PIGL: variants seen among roughly 807,000 people sequenced by gnomAD.
The protein encoded by PIGL is N-acetylglucosaminyl-phosphatidylinositol de-N-acetylase.
Under a neutral mutation model 31.1 loss-of-function variants are expected in PIGL, and 22 were observed. The ratio of observed to expected loss-of-function variants is 0.71; its 90% CI spans 0.51 to 1.01. The LOEUF is 1.01. Among genes scored for constraint, PIGL ranks in the 50% least tolerant of loss-of-function variants. PIGL has a pLI of 0.00. For synonymous variants in PIGL, 131 were observed against 117.4 expected, an observed-to-expected ratio of 1.12 and a Z score of -0.75; for missense variants, 302 against 315.9, an observed-to-expected ratio of 0.96 and a Z score of 0.33.
At chr17:16,315,455 C>T (rs566748864) in intron 4 of PIGL, among the ~76,000 whole-genome samples, 1 of 152,220 alleles carries the variant, frequency 6.6e-6, no homozygotes, top group Admixed American at 6.5e-5. Context: ...ATTCTCTTCC[C>T]GGCTTCCCTC....
At chr17:16,310,238 G>A (rs988154099) in intron 3 of PIGL, among the ~76,000 whole-genome samples, 2 of 151,648 alleles carry the variant, frequency 1.3e-5, no homozygotes, top group Non-Finnish European at 2.9e-5. Context: ...GCTCATGGTG[G>A]TAACTTTAAA....
At chr17:16,305,647 T>C (rs962587235) in intron 3 of PIGL, among the ~76,000 whole-genome samples, 1 of 152,194 alleles carries the variant, frequency 6.6e-6, no homozygotes, top group African/African-American at 2.4e-5. Flanking sequence ...GAATTTCATG[T>C]GACCCCAAAT....
At position 16,316,926 on chromosome 17, in the gene PIGL, G is replaced by A. The variant is rs558461715; in HGVS notation, c.526+214G>A. On this transcript the variant is annotated intron_variant, in intron 5 of 6. Transcript: ENST00000225609. Reference sequence around the variant, plus strand: ...TGCAGGGCCACCTCTGGATGAGTGGGGAGGCCAGGTTTGCCCCTCAACCTG... The same window carrying A: ...TGCAGGGCCACCTCTGGATGAGTGGAGAGGCCAGGTTTGCCCCTCAACCTG... The A allele has an allele frequency of 5.5e-4, 742 of 1,342,910 alleles. 5 individuals are homozygous for A. The highest frequency in any genetic ancestry group is 8.8e-4 in the Middle Eastern group (3 of 3,420). 83.2% of individuals were successfully genotyped at this position (1,342,910 alleles called of 1,614,324 possible). A position where few individuals can be genotyped will look rare whatever the true frequency, so the allele number is the denominator to read the frequency against.
At position 16,247,906 on chromosome 17, in the gene PIGL, G is replaced by A. The variant is rs552217625; in HGVS notation, c.335+13836G>A. ...CTTTCTCTCTTTTTTTTTTCTTTTG[G>A]AGATGGAGTCTCACTCTGTCGCCCA... On this transcript the variant is annotated intron_variant, in intron 2 of 6. Coordinates refer to ENST00000225609, the MANE Select transcript of PIGL (RefSeq NM_004278.4). Among the ~76,000 whole-genome samples the A allele has an allele frequency of 2.0e-5, 3 of 151,378 alleles. No homozygotes were observed. The South Asian group carries it at 6.3e-4, about 32-fold the overall frequency.
At chr17:16,218,052 A>G (rs971500738) in intron 1 of PIGL, 2 of 152,290 alleles carry the variant, frequency 1.3e-5, no homozygotes, top group African/African-American at 2.4e-5. Flanking sequence ...TTTGCTTACC[A>G]TAGAGAAAAG....
At chr17:16,293,013 A>G (rs1374367925) in intron 2 of PIGL, among the ~76,000 whole-genome samples, 2 of 152,226 alleles carry the variant, frequency 1.3e-5, no homozygotes, top group Non-Finnish European at 2.9e-5. Flanking sequence ...GACAGAAACT[A>G]TGCTTGGACC....
intron 3 of PIGL, among the ~76,000 whole-genome samples, chr17:16,313,181 T>C (rs2093062312): frequency 6.6e-6 from 1 of 152,178 alleles, no homozygotes; most frequent in Admixed American, 6.5e-5. Context: ...GAACCAGTAA[T>C]TCAGGCTGTA....
intron 6 of PIGL, among the ~76,000 whole-genome samples, chr17:16,318,755 AC>A (rs2093089808): frequency 1.3e-5 from 2 of 148,670 alleles, no homozygotes; most frequent in Non-Finnish European, 3.0e-5. Flanking sequence ...ACATGTTGAA[AC>A]CCCGTCTCTA....
At chr17:16,279,143 G>C (rs1298249612) in intron 2 of PIGL, among the ~76,000 whole-genome samples, 2 of 152,154 alleles carry the variant, frequency 1.3e-5, no homozygotes, top group Non-Finnish European at 2.9e-5. Flanking sequence ...GTCCCTTCAG[G>C]GTTCACCTGG....
chr17:16,287,679 G>A (rs2142809009), intron 2 of PIGL, among the ~76,000 whole-genome samples: 1 of 152,206 alleles, frequency 6.6e-6, no homozygotes, highest in Middle Eastern at 3.4e-3. Flanking sequence ...AGTGACTAGG[G>A]TTTTTTTGTC....
chr17:16,244,307 T>C (rs554189036), intron 2 of PIGL, among the ~76,000 whole-genome samples: 2 of 152,314 alleles, frequency 1.3e-5, no homozygotes, highest in African/African-American at 4.8e-5. Flanking sequence ...AAATTAAGTT[T>C]CTCCCAAAGT....
rs148238492 is a variant in PIGL, at chr17:16,313,559, G to A, written c.439G>A (p.Asp147Asn). Residue 147 changes from aspartate (D) to asparagine (N), a missense_variant, in exon 4 of 7, where the codon GAT (aspartate) becomes AAT (asparagine). Transcript: ENST00000225609. ...VNGINLVVTF[D>N]AGGVSGHSNH... ...TGTTTCTCTACAGGTGGTGACTTTC[G>A]ATGCAGGGGGAGTAAGTGGCCACAG... The A allele has an allele frequency of 1.2e-4, 189 of 1,613,686 alleles. No individual in the cohort carries two copies. Among genetic ancestry groups the A allele is most frequent in the Non-Finnish European group, 1.4e-4 (170 of 1,179,660 alleles).
At chr17:16,239,437 C>T (rs989748011) in intron 2 of PIGL, among the ~76,000 whole-genome samples, 1 of 151,102 alleles carries the variant, frequency 6.6e-6, no homozygotes, top group African/African-American at 2.4e-5. Flanking sequence ...GAGCTGAGAT[C>T]GCACCACTGC....
intron 2 of PIGL, among the ~76,000 whole-genome samples, chr17:16,282,868 A>G (rs1171204014): frequency 6.6e-6 from 1 of 152,208 alleles, no homozygotes; most frequent in Non-Finnish European, 1.5e-5. Context: ...AGCAATGTCT[A>G]CTTCAAAAGA....
intron 2 of PIGL, among the ~76,000 whole-genome samples, chr17:16,242,643 CCT>C (rs2092727651): frequency 8.6e-6 from 1 of 115,864 alleles, no homozygotes; most frequent in Non-Finnish European, 1.8e-5. Flanking sequence ...ATTTCTGATT[CCT>C]TTTTTTTTTT....
At chr17:16,255,548 C>T (rs892924775) in intron 2 of PIGL, among the ~76,000 whole-genome samples, 1 of 152,090 alleles carries the variant, frequency 6.6e-6, no homozygotes, top group East Asian at 1.9e-4. Context: ...CCATGCAAAT[C>T]GTAACAGGGA....
At chr17:16,229,858 ATTTTTTTTT>A (rs71150280) in intron 1 of PIGL, among the ~76,000 whole-genome samples, 4 of 97,700 alleles carry the variant, frequency 4.1e-5, no homozygotes, top group Non-Finnish European at 5.5e-5. Flanking sequence ...TAAAGTCATG[ATTTTTTTTT>A]TTTTTTTTTT....
intron 2 of PIGL, among the ~76,000 whole-genome samples, chr17:16,292,145 C>G (rs567709184): frequency 6.0e-5 from 9 of 150,556 alleles, no homozygotes; most frequent in Admixed American, 1.3e-4. Context: ...AGCGATCTTC[C>G]TGCCTCAGCC....
intron 2 of PIGL, among the ~76,000 whole-genome samples, chr17:16,294,099 A>G (rs1200025389): frequency 2.0e-5 from 3 of 152,118 alleles, no homozygotes; most frequent in African/African-American, 7.2e-5. Context: ...TAGTGGCTCC[A>G]CCCCCTGATA....
Sources: allele counts gnomAD v4.1 joint callset (sites outside exome capture counted in the v4.1 genomes callset), GRCh38; gene constraint gnomAD v4.1.1; transcripts MANE v1.5; gene names NCBI Gene and HGNC (gene_info 2026-07-23, HGNC 2026-07-21).